Variants in RPS6KA2 observed in about 807,000 individuals in gnomAD.
RPS6KA2 encodes the protein ribosomal protein S6 kinase A2.
A neutral mutation model predicts 91.8 loss-of-function variants in RPS6KA2; 42 were observed. The ratio of observed to expected loss-of-function variants is 0.46; its 90% confidence interval spans 0.36 to 0.59. The LOEUF (loss-of-function observed/expected upper bound fraction) is 0.59, where lower values mean the gene tolerates loss of function less well. Ranked by LOEUF, RPS6KA2 falls within the 20% of genes least tolerant of loss-of-function variation. RPS6KA2 has a pLI of 0.00. For synonymous variants in RPS6KA2, 414 were observed against 393.6 expected (o/e 1.05, Z -0.61); for missense variants, 798 against 978.5 (o/e 0.82, Z 2.46).
intron 2 of RPS6KA2, among the ~76,000 whole-genome samples, chr6:166,751,271 T>C (rs1226786140): frequency 6.6e-6 from 1 of 152,214 alleles, no homozygotes; most frequent in African/African-American, 2.4e-5. Context: ...ACCAGCGCCC[T>C]CTGGCCAGGT....
chr6:166,774,446 C>T (rs944213780), intron 2 of RPS6KA2, among the ~76,000 whole-genome samples: 1 of 152,146 alleles, frequency 6.6e-6, no homozygotes, highest in Non-Finnish European at 1.5e-5. Context: ...CAGCGAGCGT[C>T]CCGGCGTTGG....
chr6:166,644,661 A>AG (rs1787553123), intron 2 of RPS6KA2, among the ~76,000 whole-genome samples: 1 of 152,222 alleles, frequency 6.6e-6, no homozygotes, highest in Admixed American at 6.5e-5. Context: ...ATTACAGCCT[A>AG]GGGGTTTGTG....
intron 1 of RPS6KA2, among the ~76,000 whole-genome samples, chr6:166,559,473 C>A (rs1430893519): frequency 6.6e-6 from 1 of 152,180 alleles, no homozygotes; most frequent in East Asian, 1.9e-4. Context: ...GCAGAAACCA[C>A]CATGCTAAGT....
intron 2 of RPS6KA2, chr6:166,701,584 G>T: frequency 8.0e-6 from 11 of 1,378,652 alleles, no homozygotes; most frequent in Non-Finnish European, 8.3e-6. Context: ...GGCTCTGACT[G>T]ATAGAGCCGG....
intron 4 of RPS6KA2, chr6:166,509,378 G>C (rs1046416083): frequency 1.8e-5 from 3 of 170,224 alleles, no homozygotes; most frequent in Non-Finnish European, 2.9e-5. Context: ...AGCAGCGGAG[G>C]GGGCAGAGTT....
chr6:166,772,443 C>T (rs973067958), intron 2 of RPS6KA2, among the ~76,000 whole-genome samples: 1 of 152,244 alleles, frequency 6.6e-6, no homozygotes, highest in Non-Finnish European at 1.5e-5. Context: ...CCGACAGCTT[C>T]GGACGCTGGG....
intron 2 of RPS6KA2, among the ~76,000 whole-genome samples, chr6:166,532,426 A>G (rs1783314001): frequency 6.6e-6 from 1 of 152,166 alleles, no homozygotes. Flanking sequence ...TCTATTCTAG[A>G]GGCACAAATA....
At chr6:166,802,388 C>T (rs1350693605) in intron 2 of RPS6KA2, among the ~76,000 whole-genome samples, 3 of 151,878 alleles carry the variant, frequency 2.0e-5, no homozygotes, top group Non-Finnish European at 2.9e-5. Context: ...AGGAAAAAAA[C>T]TCTAGAAAAA....
Position 166,726,634 on chromosome 6 carries a change from A to C in RPS6KA2, c.123+131566T>G, listed in dbSNP as rs1790347367. ...AACCGTGATCACCTTAAATCACATA[A>C]ACATGATCACCTTAAACAGAGAACT... On this transcript the variant is annotated intron_variant, in intron 2 of 21. Coordinates refer to the RPS6KA2 transcript ENST00000503859. The surrounding 1 kb of genome is among the most constrained non-coding windows in gnomAD (Gnocchi z 4.4). 6.6e-6 allele frequency among the ~76,000 whole-genome samples: 1 copy of C among 152,238 alleles called. No individual in the cohort carries two copies. Among genetic ancestry groups the C allele is most frequent in the East Asian group, 1.9e-4 (1 of 5,204 alleles).
rs1583221398 is a variant in RPS6KA2 at position 166,508,966 on chromosome 6, C to T, written c.380-684G>A. ...AGGGTCTAGAGAAGCCCGTCACCATCGCTGCTGTGACGATGGTTGCTGCAG... is the reference window on the plus strand; with the variant it reads ...AGGGTCTAGAGAAGCCCGTCACCATTGCTGCTGTGACGATGGTTGCTGCAG... On this transcript the variant is annotated intron_variant, in intron 4 of 20. Coordinates refer to ENST00000265678, the MANE Select transcript of RPS6KA2 (RefSeq NM_021135.6). The surrounding 1 kb of genome is among the most constrained non-coding windows in gnomAD (Gnocchi z 4.3). Among the ~76,000 whole-genome samples, 2 of 152,328 alleles carry T rather than the reference C, an allele frequency of 1.3e-5. No homozygotes were observed. Among genetic ancestry groups the T allele is most frequent in the East Asian group, 1.9e-4 (1 of 5,182 alleles).
chr6:166,816,421 G>A (rs929797815), intron 2 of RPS6KA2, among the ~76,000 whole-genome samples: 1 of 149,716 alleles, frequency 6.7e-6, no homozygotes, highest in Admixed American at 6.7e-5. Flanking sequence ...TGGGTGTGGT[G>A]GCACACACCT....
In RPS6KA2 at chr6:166,478,657, G is replaced by A. The variant is rs112750787; in HGVS notation, c.908-8752C>T. Among the ~76,000 whole-genome samples the A allele has an allele frequency of 2.2e-3, 330 of 152,298 alleles. 2 individuals carry two copies. Among genetic ancestry groups the A allele is most frequent in the Non-Finnish European group, 3.8e-3 (261 of 68,018 alleles). ...CCTCGGCTATTGTGCACCAGATAAC[G>A]TTCCTCTGTTCTGTCCCACAGCCAA... On this transcript the variant is annotated intron_variant, in intron 10 of 20. Coordinates refer to ENST00000265678, the MANE Select transcript of RPS6KA2 (RefSeq NM_021135.6).
chr6:166,559,442 AT>A (rs755523265), intron 1 of RPS6KA2, among the ~76,000 whole-genome samples: 14 of 152,196 alleles, frequency 9.2e-5, no homozygotes, highest in Admixed American at 2.0e-4. Flanking sequence ...AAATCATCAC[AT>A]CAGAGCCAAG....
chr6:166,802,200 G>A (rs845657), intron 2 of RPS6KA2, among the ~76,000 whole-genome samples: 95,424 of 151,260 alleles, frequency 0.63, 30,145 homozygotes, highest in Non-Finnish European at 0.64. Flanking sequence ...AACCTGGGAG[G>A]TGGAGATTGC....
At chr6:166,440,819 G>A (rs1029561737) in intron 14 of RPS6KA2, among the ~76,000 whole-genome samples, 7 of 152,294 alleles carry the variant, frequency 4.6e-5, no homozygotes, top group Admixed American at 6.5e-5. Flanking sequence ...GAGATATTTC[G>A]CGGCAAAGTT....
intron 3 of RPS6KA2, among the ~76,000 whole-genome samples, chr6:166,523,441 G>A (rs1782924749): frequency 6.6e-6 from 1 of 152,110 alleles, no homozygotes; most frequent in South Asian, 2.1e-4. Context: ...GGAGGCCTGG[G>A]GACCCCAGGA....
At chr6:166,545,622 T>C (rs1342011024) in intron 1 of RPS6KA2, among the ~76,000 whole-genome samples, 1 of 152,174 alleles carries the variant, frequency 6.6e-6, no homozygotes, top group Non-Finnish European at 1.5e-5. Flanking sequence ...CCCGTCCCTG[T>C]TCATTTTAGT....
chr6:166,691,778 A>G (rs1789211606), intron 2 of RPS6KA2, among the ~76,000 whole-genome samples: 1 of 152,240 alleles, frequency 6.6e-6, no homozygotes, highest in Non-Finnish European at 1.5e-5. Flanking sequence ...CATGTTACAA[A>G]AGAACAATGC....
rs542312373 is a variant in RPS6KA2 at position 166,841,976 on chromosome 6, G to A, written c.123+16224C>T. On this transcript the variant is annotated intron_variant, in intron 2 of 21. Transcript: ENST00000503859. Reference sequence around the variant, plus strand: ...GTGCCCTTGGACAAGCCTCAAGCAGGATCTGGCATCTCTCGAGCGAACAAA... The same window carrying A: ...GTGCCCTTGGACAAGCCTCAAGCAGAATCTGGCATCTCTCGAGCGAACAAA... Among the ~76,000 whole-genome samples the A allele has an allele frequency of 2.6e-5, 4 of 152,216 alleles. No homozygotes were observed. The South Asian group carries it at 6.2e-4, about 24-fold the overall frequency.
Sources: gnomAD v4.1 joint callset for allele counts (sites outside exome capture counted in the v4.1 genomes callset) on GRCh38, gnomAD v4.1.1 for gene constraint, Gnocchi (gnomAD v3.1) non-coding constraint, MANE v1.5 for transcripts, NCBI Gene and HGNC (gene_info 2026-07-23, HGNC 2026-07-21) for gene names.